ITGA9: variants seen among roughly 807,000 people sequenced by gnomAD.
ITGA9 encodes the protein integrin alpha-9.
Under a neutral mutation model 127.8 loss-of-function variants are expected in ITGA9, and 56 were observed. That is an observed-to-expected ratio of 0.44 (90% CI 0.35 to 0.55). The LOEUF (loss-of-function observed/expected upper bound fraction) is 0.55, where lower values mean the gene tolerates loss of function less well. Among genes scored for constraint, ITGA9 ranks in the 20% least tolerant of loss-of-function variants. ITGA9 has a pLI of 0.00. For missense variants in ITGA9, 1,196 were observed against 1,347.1 expected (o/e 0.89, Z 1.76); for synonymous variants, 508 against 514.5 (o/e 0.99, Z 0.17).
At chr3:37,551,039 T>G (rs1699373618) in intron 15 of ITGA9, among the ~76,000 whole-genome samples, 1 of 152,206 alleles carries the variant, frequency 6.6e-6, no homozygotes, top group South Asian at 2.1e-4. Flanking sequence ...TCTTTTTTCT[T>G]TCTTGTTTCC....
chr3:37,732,955 G>T, intron 19 of ITGA9, 157 bp downstream of exon 19: 2 of 690,766 alleles, frequency 2.9e-6, no homozygotes. Context: ...TCCTGTCCCT[G>T]GCTGTGTACA....
chr3:37,804,874 G>A (rs1697277560), intron 27 of ITGA9, among the ~76,000 whole-genome samples: 1 of 152,140 alleles, frequency 6.6e-6, no homozygotes, highest in South Asian at 2.1e-4. Flanking sequence ...AACACCAGGA[G>A]TTCACATCCC....
intron 3 of ITGA9, among the ~76,000 whole-genome samples, chr3:37,476,471 C>G (rs1698495770): frequency 6.6e-6 from 1 of 151,988 alleles, no homozygotes; most frequent in African/African-American, 2.4e-5. Context: ...TCATCATCTG[C>G]TTGTTGGTCA....
At chr3:37,492,389 C>A (rs755836401) in intron 4 of ITGA9, among the ~76,000 whole-genome samples, 8 of 152,350 alleles carry the variant, frequency 5.3e-5, no homozygotes, top group Non-Finnish European at 8.8e-5. Context: ...GAAAACAGTG[C>A]TTCATGCTGC....
chr3:37,495,600 C>T lies in ITGA9; in HGVS notation c.612+1032C>T, dbSNP rs189468680. ...GCTTTTATTACTATTACAATCGCCT[C>T]CATTATCACCATCATGCTTCTAGAA... On this transcript the variant is annotated intron_variant, in intron 5 of 27. Transcript: ENST00000264741. Among the ~76,000 whole-genome samples the T allele has an allele frequency of 5.9e-5, 9 of 152,318 alleles. No homozygotes were observed. In the East Asian group the frequency reaches 1.7e-3, roughly 29 times the overall value.
chr3:37,541,917 T>C (rs968584062), intron 14 of ITGA9, among the ~76,000 whole-genome samples: 4 of 152,224 alleles, frequency 2.6e-5, no homozygotes, highest in Admixed American at 1.3e-4. Context: ...GTACTGATTA[T>C]AGAGCACGAC....
At chr3:37,494,628 A>G (rs1166935207) in intron 5 of ITGA9, 60 bp downstream of exon 5, 3 of 1,453,794 alleles carry the variant, frequency 2.1e-6, no homozygotes, top group East Asian at 2.3e-5. Context: ...CCTTGCTTAT[A>G]TGATTTTGGC....
chr3:37,654,644 T>C (rs1187143168), intron 17 of ITGA9, among the ~76,000 whole-genome samples: 2 of 152,192 alleles, frequency 1.3e-5, no homozygotes, highest in Non-Finnish European at 2.9e-5. Context: ...GAGTTAAGTT[T>C]GGATGAAATG....
rs1409038003 is a variant in ITGA9, at chr3:37,483,948, T to C, written c.544+2341T>C. Among the ~76,000 whole-genome samples the C allele has an allele frequency of 2.5e-4, 38 of 152,206 alleles. 1 individual carries two copies. The highest frequency in any genetic ancestry group is 2.5e-3 in the Admixed American group (38 of 15,292). On this transcript the variant is annotated intron_variant, in intron 4 of 27. Transcript: ENST00000264741. ...TTTGTGTCCTGGTAATTAATGGTAA[T>C]TTCTGTTAGTTTGTTTTTTAGGGTT...
intron 15 of ITGA9, among the ~76,000 whole-genome samples, chr3:37,622,610 A>G (rs1335377794): frequency 1.3e-5 from 2 of 152,128 alleles, no homozygotes; most frequent in African/African-American, 2.4e-5. Context: ...TGGGAGGCCA[A>G]GGCGGGTAGA....
In ITGA9 at chr3:37,677,188, G is replaced by A. The variant is rs181439615; in HGVS notation, c.1917-6677G>A. On this transcript the variant is annotated intron_variant, in intron 17 of 27. Coordinates refer to ENST00000264741, the MANE Select transcript of ITGA9 (RefSeq NM_002207.3). ...TGACAGTCCTCACTTATTCCCTGTAGCTTAATTAACACCGTCTCTTAATTC... is the reference window on the plus strand; with the variant it reads ...TGACAGTCCTCACTTATTCCCTGTAACTTAATTAACACCGTCTCTTAATTC... Among the ~76,000 whole-genome samples, 3 of 152,246 alleles carry A rather than the reference G, an allele frequency of 2.0e-5. No individual in the cohort carries two copies. The East Asian group carries it at 5.8e-4, about 29-fold the overall frequency.
At chr3:37,591,590 C>T (rs1699819479) in intron 15 of ITGA9, among the ~76,000 whole-genome samples, 1 of 152,186 alleles carries the variant, frequency 6.6e-6, no homozygotes, top group Admixed American at 6.5e-5. Context: ...GGGCTGTCTC[C>T]TCCTCCTCAG....
At chr3:37,498,668 G>A (rs1255394211) in intron 5 of ITGA9, among the ~76,000 whole-genome samples, 3 of 152,212 alleles carry the variant, frequency 2.0e-5, no homozygotes, top group Non-Finnish European at 2.9e-5. Context: ...GGTGTACAGA[G>A]TGTCCGGGGA....
rs543653981 is a variant in ITGA9 at position 37,473,865 on chromosome 3, C to T, written c.420+405C>T. Among the ~76,000 whole-genome samples, 19 of 152,208 alleles carry T rather than the reference C, an allele frequency of 1.2e-4. No homozygotes were observed. In the South Asian group the frequency reaches 3.7e-3, roughly 30 times the overall value. The stretch of plus-strand genomic sequence containing the variant: ...ATATTTCCATCGTCCCAAAAGTCTC[C>T]GATGTCCCTTTCCAGCCAACTCCTC... On this transcript the variant is annotated intron_variant, in intron 3 of 27. Transcript: ENST00000264741.
chr3:37,656,002 G>A (rs1231635847), intron 17 of ITGA9, among the ~76,000 whole-genome samples: 1 of 152,298 alleles, frequency 6.6e-6, no homozygotes, highest in South Asian at 2.1e-4. Context: ...TCAGATGGTT[G>A]TAGATGTGTG....
At chr3:37,743,718 A>G (rs994139661) in intron 21 of ITGA9, among the ~76,000 whole-genome samples, 1 of 152,256 alleles carries the variant, frequency 6.6e-6, no homozygotes, top group African/African-American at 2.4e-5. Flanking sequence ...TTCTCCATGC[A>G]GCTTATTGAC....
chr3:37,662,578 A>G (rs1276763122), intron 17 of ITGA9, among the ~76,000 whole-genome samples: 1 of 152,076 alleles, frequency 6.6e-6, no homozygotes. Context: ...TGCCTTGGGT[A>G]GGTCTGTGGG....
intron 15 of ITGA9, among the ~76,000 whole-genome samples, chr3:37,575,657 A>G (rs1306148094): frequency 6.6e-6 from 1 of 151,902 alleles, no homozygotes; most frequent in African/African-American, 2.4e-5. Context: ...TGACTGGGGA[A>G]TCAGTACTCA....
Position 37,703,876 on chromosome 3 carries a change from CT to C in ITGA9, c.2067+19863del, listed in dbSNP as rs142855259. On this transcript the variant is annotated intron_variant, in intron 18 of 27. Coordinates refer to ENST00000264741, the MANE Select transcript of ITGA9 (RefSeq NM_002207.3). ...GATGAGGAAACCATGGCTTAGCAAGCTTAAGGAGGTGACTCAACTTCCTTAG... is the reference window on the plus strand; with the variant it reads ...GATGAGGAAACCATGGCTTAGCAAGCTAAGGAGGTGACTCAACTTCCTTAG... Among the ~76,000 whole-genome samples, 345 of 152,274 alleles carry C rather than the reference CT, an allele frequency of 2.3e-3. 4 individuals are homozygous for C. The highest frequency in any genetic ancestry group is 7.9e-3 in the African/African-American group (330 of 41,554).
Sources: gnomAD v4.1 joint callset for allele counts (sites outside exome capture counted in the v4.1 genomes callset) on GRCh38, gnomAD v4.1.1 for gene constraint, MANE v1.5 for transcripts, NCBI Gene and HGNC (gene_info 2026-07-23, HGNC 2026-07-21) for gene names.